Variants in COMMD10 observed in about 807,000 individuals in gnomAD.
COMMD10 encodes the protein COMM domain containing 10.
COMMD10 carries 33 observed loss-of-function variants against 28.9 expected under a neutral mutation model. That is an observed-to-expected ratio of 1.14 (90% confidence interval 0.87 to 1.53). The LOEUF (loss-of-function observed/expected upper bound fraction) is 1.53, where lower values mean the gene tolerates loss of function less well. Among genes scored for constraint, COMMD10 ranks in the 40% most tolerant of loss-of-function variants. The probability of loss-of-function intolerance (pLI) is 0.00; values close to 1 mark genes in which losing one functional copy is unlikely to be tolerated. For synonymous variants in COMMD10, 110 were observed against 81.7 expected (o/e 1.35, Z -1.87); for missense variants, 310 against 233.4 (o/e 1.33, Z -2.14).
At chr5:116,184,442 GA>G (rs1298256819) in intron 5 of COMMD10, among the ~76,000 whole-genome samples, 2 of 150,784 alleles carry the variant, frequency 1.3e-5, no homozygotes, top group Non-Finnish European at 1.5e-5. Flanking sequence ...TTGTTTCCAT[GA>G]CTTTTGTTAC....
chr5:116,210,490 A>T (rs1056781382), intron 5 of COMMD10, among the ~76,000 whole-genome samples: 1 of 152,110 alleles, frequency 6.6e-6, no homozygotes, highest in African/African-American at 2.4e-5. Context: ...AAGTAATATT[A>T]TAGAGCATAC....
intron 5 of COMMD10, among the ~76,000 whole-genome samples, chr5:116,170,459 C>G (rs577279874): frequency 6.6e-6 from 1 of 152,100 alleles, no homozygotes; most frequent in Non-Finnish European, 1.5e-5. Context: ...TACCATTGAA[C>G]TTCTTCACAG....
intron 1 of COMMD10, among the ~76,000 whole-genome samples, chr5:116,087,208 A>T (rs969807787): frequency 6.6e-6 from 1 of 152,160 alleles, no homozygotes; most frequent in Non-Finnish European, 1.5e-5. Context: ...GCTCTACTAA[A>T]TTAAGGCTCT....
rs569646635 is a variant in COMMD10 at position 116,202,184 on chromosome 5, A to G, written c.510+68006A>G. Among the ~76,000 whole-genome samples the G allele has an allele frequency of 7.9e-5, 12 of 151,650 alleles. 1 individual carries two copies. Among genetic ancestry groups the G allele is most frequent in the South Asian group, 6.3e-4 (3 of 4,772 alleles). On this transcript the variant is annotated intron_variant, in intron 5 of 6. Coordinates refer to ENST00000274458, the MANE Select transcript of COMMD10 (RefSeq NM_016144.4). ...AGTTTACTGAGAATGATGATTTCCAATTTCATCCATGTCCCTACAAAGGAC... is the reference window on the plus strand; with the variant it reads ...AGTTTACTGAGAATGATGATTTCCAGTTTCATCCATGTCCCTACAAAGGAC...
chr5:116,138,492 T>G (rs1246713003), intron 5 of COMMD10, among the ~76,000 whole-genome samples: 1 of 151,838 alleles, frequency 6.6e-6, no homozygotes, highest in African/African-American at 2.4e-5. Context: ...CTTAAAATAC[T>G]TAAATTTTGC....
At chr5:116,269,761 G>C (rs1289671830) in intron 5 of COMMD10, among the ~76,000 whole-genome samples, 1 of 151,754 alleles carries the variant, frequency 6.6e-6, no homozygotes, top group Non-Finnish European at 1.5e-5. Flanking sequence ...GAGGTTGTAA[G>C]CCATCTTGGT....
intron 5 of COMMD10, among the ~76,000 whole-genome samples, chr5:116,153,973 T>C (rs1752620734): frequency 6.6e-6 from 1 of 152,006 alleles, no homozygotes; most frequent in South Asian, 2.1e-4. Flanking sequence ...GGGCATAAAA[T>C]AGAATCCATA....
chr5:116,187,755 C>T (rs1439115997), intron 5 of COMMD10, among the ~76,000 whole-genome samples: 1 of 151,836 alleles, frequency 6.6e-6, no homozygotes, highest in Admixed American at 6.6e-5. Context: ...TTTTTTTAAC[C>T]AAACATTATT....
chr5:116,172,681 G>C (rs568959257), intron 5 of COMMD10, among the ~76,000 whole-genome samples: 1 of 152,226 alleles, frequency 6.6e-6, no homozygotes, highest in South Asian at 2.1e-4. Context: ...GTATCTTTTA[G>C]AGCAACAGCC....
At chr5:116,109,803 T>C (rs1343143852) in intron 4 of COMMD10, among the ~76,000 whole-genome samples, 2 of 152,230 alleles carry the variant, frequency 1.3e-5, no homozygotes, top group African/African-American at 2.4e-5. Flanking sequence ...TTCCTAGATA[T>C]AAGTTATATC....
chr5:116,261,736 G>A (rs1409871248), intron 5 of COMMD10, among the ~76,000 whole-genome samples: 1 of 151,572 alleles, frequency 6.6e-6, no homozygotes, highest in African/African-American at 2.4e-5. Context: ...GGTCTAACTT[G>A]TATCTTCACT....
At chr5:116,104,077 A>G (rs1436103341) in intron 4 of COMMD10, among the ~76,000 whole-genome samples, 2 of 152,228 alleles carry the variant, frequency 1.3e-5, no homozygotes, top group African/African-American at 4.8e-5. Context: ...GAAGTCAGGT[A>G]GCATGATGCC....
At chr5:116,196,911 T>G (rs1454845745) in intron 5 of COMMD10, among the ~76,000 whole-genome samples, 2 of 152,190 alleles carry the variant, frequency 1.3e-5, no homozygotes, top group African/African-American at 4.8e-5. Context: ...ATGTGATGTA[T>G]GATTTACTAA....
intron 4 of COMMD10, among the ~76,000 whole-genome samples, chr5:116,116,195 T>A (rs10066259): frequency 0.086 from 13,129 of 152,242 alleles, 619 homozygotes; most frequent in Admixed American, 0.13. Context: ...CTTTAAGCCA[T>A]TGTAAGATTT....
intron 5 of COMMD10, among the ~76,000 whole-genome samples, chr5:116,172,697 C>G (rs1325436732): frequency 6.6e-6 from 1 of 152,112 alleles, no homozygotes; most frequent in African/African-American, 2.4e-5. Flanking sequence ...CAGCCCTGAA[C>G]CAGGCTAAGA....
At chr5:116,280,923 T>G (rs892463506) in intron 5 of COMMD10, among the ~76,000 whole-genome samples, 6 of 151,908 alleles carry the variant, frequency 3.9e-5, no homozygotes, top group Admixed American at 2.0e-4. Flanking sequence ...TATCTCTGCC[T>G]TTTATTTCTG....
chr5:116,273,002 T>C (rs1203324705), intron 5 of COMMD10, among the ~76,000 whole-genome samples: 1 of 151,868 alleles, frequency 6.6e-6, no homozygotes, highest in African/African-American at 2.4e-5. Context: ...CTCATTTCTT[T>C]TGGGCATTGT....
chr5:116,153,880 G>T (rs1752617821), intron 5 of COMMD10, among the ~76,000 whole-genome samples: 1 of 152,112 alleles, frequency 6.6e-6, no homozygotes, highest in Non-Finnish European at 1.5e-5. Flanking sequence ...AAAGGGTTGG[G>T]TTGAGAATTG....
Position 116,216,794 on chromosome 5 carries a change from A to G in COMMD10, c.511-74723A>G, listed in dbSNP as rs576239282. On this transcript the variant is annotated intron_variant, in intron 5 of 6. Coordinates refer to ENST00000274458, the MANE Select transcript of COMMD10 (RefSeq NM_016144.4). ...CATGATCTGCCTGCCTTAGGCTCCC[A>G]AAGTGCTGGGATTACAGGCGTGAGC... Among the ~76,000 whole-genome samples the G allele has an allele frequency of 4.6e-5, 7 of 152,284 alleles. No individual in the cohort carries two copies. The South Asian group carries it at 1.0e-3, about 23-fold the overall frequency.
Sources: allele counts gnomAD v4.1 joint callset (sites outside exome capture counted in the v4.1 genomes callset), GRCh38; gene constraint gnomAD v4.1.1; transcripts MANE v1.5; gene names NCBI Gene and HGNC (gene_info 2026-07-23, HGNC 2026-07-21).